The following SEC24A variants were observed in gnomAD, a reference collection of about 807,000 sequenced individuals.
The protein encoded by SEC24A is SEC24 homolog A, COPII component.
Under a neutral mutation model 129.4 loss-of-function variants are expected in SEC24A, and 93 were observed. The observed-to-expected ratio is 0.72, with a 90% CI of 0.61 to 0.85. The LOEUF (loss-of-function observed/expected upper bound fraction) is 0.85. SEC24A is among the 40% of genes least tolerant of loss of function. The pLI, the probability that SEC24A is intolerant of heterozygous loss-of-function variation, is 0.00. For synonymous variants in SEC24A, 460 were observed against 467.3 expected (o/e 0.98, Z 0.20); for missense variants, 1,264 against 1,307.4 (o/e 0.97, Z 0.51).
chr5:134,698,656 G>A (rs965796881), intron 15 of SEC24A, among the ~76,000 whole-genome samples: 2 of 145,468 alleles, frequency 1.4e-5, no homozygotes, highest in Admixed American at 1.4e-4. Context: ...TTTTGAGATG[G>A]TATATTGCTC....
At position 134,656,228 on chromosome 5, in the gene SEC24A, A is replaced by G. The variant is rs149301344; in HGVS notation, c.98-4891A>G. Among the ~76,000 whole-genome samples, 38 of 151,450 alleles carry G rather than the reference A, an allele frequency of 2.5e-4. 1 individual carries two copies. The highest frequency in any genetic ancestry group is 2.3e-3 in the Admixed American group (35 of 15,140). On this transcript the variant is annotated intron_variant, in intron 1 of 22. Coordinates refer to ENST00000398844, the MANE Select transcript of SEC24A (RefSeq NM_021982.3). ...CTCCGGAGTAGCTGGGACCACCGGC[A>G]TGTGCCACCACACCCGGCAAATTTT...
intron 13 of SEC24A, among the ~76,000 whole-genome samples, chr5:134,694,223 C>A (rs2150098088): frequency 6.6e-6 from 1 of 152,116 alleles, no homozygotes; most frequent in African/African-American, 2.4e-5. Context: ...CCTGATTGAC[C>A]AGTTAAGAAT....
At chr5:134,702,409 A>G (rs1446483862) in intron 15 of SEC24A, among the ~76,000 whole-genome samples, 1 of 152,226 alleles carries the variant, frequency 6.6e-6, no homozygotes, top group Non-Finnish European at 1.5e-5. Context: ...AACATTATTG[A>G]TAAAGCTAAA....
At chr5:134,697,061 G>A in intron 13 of SEC24A, 65 bp from the exon 14 acceptor site, 1 of 929,934 alleles carries the variant, frequency 1.1e-6, no homozygotes, top group Admixed American at 2.1e-5. Flanking sequence ...ATGTAGATGT[G>A]TATTTAGATT....
intron 3 of SEC24A, among the ~76,000 whole-genome samples, chr5:134,670,034 C>G (rs1464232400): frequency 2.6e-5 from 4 of 152,198 alleles, no homozygotes; most frequent in African/African-American, 9.7e-5. Flanking sequence ...TCAAGCGATT[C>G]TTGTGCCTCA....
chr5:134,706,292 T>C (rs892771655), intron 17 of SEC24A, among the ~76,000 whole-genome samples: 7 of 152,224 alleles, frequency 4.6e-5, no homozygotes, highest in Admixed American at 2.6e-4. Flanking sequence ...AATTTGGGAT[T>C]GAAAACCAGT....
At chr5:134,685,568 G>A (rs764114009) in intron 9 of SEC24A, among the ~76,000 whole-genome samples, 2 of 152,156 alleles carry the variant, frequency 1.3e-5, no homozygotes, top group African/African-American at 4.8e-5. Context: ...CGAGGTGGGA[G>A]ATCCTGGAAC....
intron 8 of SEC24A, among the ~76,000 whole-genome samples, chr5:134,681,500 G>C (rs1044110293): frequency 6.6e-6 from 1 of 151,274 alleles, no homozygotes; most frequent in African/African-American, 2.4e-5. Context: ...GAAAAGTAAG[G>C]ATAGGCTAAG....
chr5:134,672,298 C>T (rs1750893556), intron 4 of SEC24A, among the ~76,000 whole-genome samples: 1 of 152,166 alleles, frequency 6.6e-6, no homozygotes, highest in African/African-American at 2.4e-5. Flanking sequence ...AGTGATTCTC[C>T]CACTTAAGCC....
chr5:134,704,909 T>C (rs1317004796), intron 16 of SEC24A, among the ~76,000 whole-genome samples: 1 of 151,256 alleles, frequency 6.6e-6, no homozygotes, highest in Non-Finnish European at 1.5e-5. Context: ...ACTCCTGGCC[T>C]CAGGTAATCC....
Position 134,702,196 on chromosome 5 carries a change from T to C in SEC24A, c.2267-1563T>C, listed in dbSNP as rs145467308. Among the ~76,000 whole-genome samples the C allele has an allele frequency of 7.8e-4, 119 of 152,314 alleles. No homozygotes were observed. The East Asian group carries it at 0.02, about 25-fold the overall frequency. On this transcript the variant is annotated intron_variant, in intron 15 of 22. Transcript: ENST00000398844. Reference sequence around the variant, plus strand: ...TTTATTAATGTTGTATATTTCTTTTTAAGAGACAGGGTCTCACTATGTTGC... The same window carrying C: ...TTTATTAATGTTGTATATTTCTTTTCAAGAGACAGGGTCTCACTATGTTGC...
intron 11 of SEC24A, among the ~76,000 whole-genome samples, chr5:134,690,375 G>A (rs1056109942): frequency 6.6e-6 from 1 of 152,118 alleles, no homozygotes. Flanking sequence ...GTGCAATGGT[G>A]CAATCATAGC....
chr5:134,661,638 A>G lies in SEC24A; in HGVS notation c.565+52A>G, dbSNP rs377288697. The G allele has an allele frequency of 1.9e-4, 256 of 1,349,796 alleles. No individual in the cohort carries two copies. In the African/African-American group the frequency reaches 3.4e-3, roughly 18 times the overall value. The allele number at this position is 1,349,796 out of a possible 1,614,324, so 83.6% of individuals were successfully genotyped here. On this transcript the variant is annotated intron_variant, in intron 2 of 22. Transcript: ENST00000398844. The stretch of plus-strand genomic sequence containing the variant: ...ATGTAGAAATGTGAAACTTTTGCTT[A>G]TTTAGATGTTTGAAATAATACTTGA...
chr5:134,658,177 A>G (rs1035466786), intron 1 of SEC24A, among the ~76,000 whole-genome samples: 6 of 152,176 alleles, frequency 3.9e-5, no homozygotes, highest in Admixed American at 6.6e-5. Context: ...TGAATGAGGC[A>G]GGAGAATCGC....
chr5:134,715,279 A>G (rs2150111409), intron 19 of SEC24A, 118 bp downstream of exon 19: 2 of 953,022 alleles, frequency 2.1e-6, no homozygotes, highest in Middle Eastern at 2.9e-4. Context: ...TATTTTATTT[A>G]TTTATTTTTT....
At chr5:134,722,212 C>T (rs867359433) in intron 21 of SEC24A, among the ~76,000 whole-genome samples, 4 of 151,960 alleles carry the variant, frequency 2.6e-5, no homozygotes, top group Admixed American at 6.6e-5. Context: ...CAAGGTTGCC[C>T]GGGCGTGGTG....
intron 4 of SEC24A, among the ~76,000 whole-genome samples, chr5:134,673,061 T>G (rs545909636): frequency 6.7e-6 from 1 of 149,816 alleles, no homozygotes; most frequent in Admixed American, 6.7e-5. Flanking sequence ...ATTTTTTTTT[T>G]TTTTTTTTTT....
Position 134,666,884 on chromosome 5 carries a change from T to C in SEC24A, c.627T>C (p.Pro209=). Residue 209 remains proline (P), a synonymous_variant, in exon 3 of 23, where the codon CCT becomes CCC. Coordinates refer to ENST00000398844, the MANE Select transcript of SEC24A (RefSeq NM_021982.3). ...CTACAACTTTTCAACCAGGAGCTCC[T>C]CATGGGCCCCCTCCAGCTGGAGGCC... ...PLPTTFQPGA[P]HGPPPAGGPP... 1 of 1,613,590 alleles carries C rather than the reference T, an allele frequency of 6.2e-7. No individual in the cohort carries two copies.
At chr5:134,717,727 C>A (rs1032462506) in intron 19 of SEC24A, among the ~76,000 whole-genome samples, 1 of 151,816 alleles carries the variant, frequency 6.6e-6, no homozygotes, top group Non-Finnish European at 1.5e-5. Flanking sequence ...ACCAGCCTGA[C>A]CAACATGGAG....
Sources: allele counts gnomAD v4.1 joint callset (sites outside exome capture counted in the v4.1 genomes callset), GRCh38; gene constraint gnomAD v4.1.1; transcripts MANE v1.5; gene names NCBI Gene and HGNC (gene_info 2026-07-23, HGNC 2026-07-21).